The following EPS15 variants were observed in gnomAD, a reference collection of about 807,000 sequenced individuals.
EPS15 encodes epidermal growth factor receptor pathway substrate 15, also known as epidermal growth factor receptor substrate 15.
A neutral mutation model predicts 113.8 loss-of-function variants in EPS15; 72 were observed. The observed-to-expected ratio is 0.63, with a 90% CI of 0.52 to 0.77. The LOEUF is 0.77. Ranked by LOEUF, EPS15 falls within the 30% of genes least tolerant of loss-of-function variation. EPS15 has a pLI of 0.00. For synonymous variants in EPS15, 344 were observed against 363.4 expected, an observed-to-expected ratio of 0.95 and a Z score of 0.61; for missense variants, 1,048 against 1,045.8, an observed-to-expected ratio of 1.00 and a Z score of -0.03.
intron 13 of EPS15, among the ~76,000 whole-genome samples, chr1:51,420,246 T>C (rs1036048150): frequency 1.3e-5 from 2 of 152,094 alleles, no homozygotes; most frequent in African/African-American, 4.8e-5. Context: ...CTTCTATAAT[T>C]ATAAGACACC....
chr1:51,399,042 C>G lies in EPS15; in HGVS notation c.2042G>C (p.Ser681Thr). The part of the protein sequence containing the change: ...TDPFSAANNS[S>T]ITSVETLKHN... Reference sequence around the variant, plus strand: ...AATTCTCCCACTTACCGATGTAATACTGCTATTGTTGGCTGCACTGAAAGG... The same window carrying G: ...AATTCTCCCACTTACCGATGTAATAGTGCTATTGTTGGCTGCACTGAAAGG... The change falls in exon 20 of 25, where the codon AGT (serine) becomes ACT (threonine). Residue 681 changes from serine to threonine, a missense_variant. Physicochemically the swap from Ser to Thr is moderately conservative, Grantham distance 58. Transcript: ENST00000371733. 6.2e-7 allele frequency: 1 copy of G among 1,613,186 alleles called. No homozygotes were observed. The highest frequency in any genetic ancestry group is 8.5e-7 in the Non-Finnish European group (1 of 1,179,588).
At chr1:51,502,825 T>G (rs1644436364) in intron 1 of EPS15, among the ~76,000 whole-genome samples, 1 of 151,902 alleles carries the variant, frequency 6.6e-6, no homozygotes, top group East Asian at 1.9e-4. Flanking sequence ...GCCAACATGG[T>G]GAAACCGCAT....
At chr1:51,516,426 G>A (rs1644717580) in intron 1 of EPS15, among the ~76,000 whole-genome samples, 1 of 152,112 alleles carries the variant, frequency 6.6e-6, no homozygotes, top group Non-Finnish European at 1.5e-5. Context: ...TAAGAAAACT[G>A]AGGCCTGGAT....
intron 20 of EPS15, chr1:51,397,140 GAA>G (rs1648031921): frequency 6.6e-6 from 1 of 152,316 alleles, no homozygotes; most frequent in African/African-American, 2.4e-5. Flanking sequence ...TTGGCCTCCT[GAA>G]GTGCTGGAAT....
Position 51,444,920 on chromosome 1 carries a change from A to ATCAT in EPS15, c.919_922dup (p.Ile308AsnfsTer27). ...TAAACTGGCCCTGTCTGATGGTGGAATCATTTCAGGAGTAAGAACGTGAGG... is the reference window on the plus strand; with the variant it reads ...TAAACTGGCCCTGTCTGATGGTGGAATCATTCATTTCAGGAGTAAGAACGTGAGG... On this transcript the variant is annotated frameshift_variant, in exon 11 of 25. Coordinates refer to ENST00000371733, the MANE Select transcript of EPS15 (RefSeq NM_001981.3). LOFTEE classifies it high-confidence loss of function. The ATCAT allele has an allele frequency of 6.2e-7, 1 of 1,613,934 alleles. No individual in the cohort carries two copies. The highest frequency in any genetic ancestry group is 8.5e-7 in the Non-Finnish European group (1 of 1,179,890).
chr1:51,439,521 G>C (rs1338039035), intron 12 of EPS15, among the ~76,000 whole-genome samples: 1 of 152,008 alleles, frequency 6.6e-6, no homozygotes, highest in Non-Finnish European at 1.5e-5. Context: ...TAGATACAGT[G>C]CCCTGTAGAC....
chr1:51,479,922 A>C (rs1436773448), intron 2 of EPS15, among the ~76,000 whole-genome samples: 1 of 152,248 alleles, frequency 6.6e-6, no homozygotes, highest in African/African-American at 2.4e-5. Context: ...TAGGAACCTT[A>C]GCAAATCTGG....
chr1:51,487,858 A>G (rs1013044175), intron 1 of EPS15, among the ~76,000 whole-genome samples: 3 of 152,198 alleles, frequency 2.0e-5, no homozygotes, highest in Non-Finnish European at 1.5e-5. Flanking sequence ...TCATCAAGCA[A>G]GATGATCAAA....
At chr1:51,392,182 C>T (rs1412807287) in intron 21 of EPS15, among the ~76,000 whole-genome samples, 1 of 152,218 alleles carries the variant, frequency 6.6e-6, no homozygotes, top group Non-Finnish European at 1.5e-5. Flanking sequence ...CCAGAGACCT[C>T]ATTTGAATTG....
At chr1:51,486,712 CTT>C (rs1644130460) in intron 1 of EPS15, among the ~76,000 whole-genome samples, 2 of 151,768 alleles carry the variant, frequency 1.3e-5, no homozygotes, top group African/African-American at 2.4e-5. Context: ...GAGTTTTGCT[CTT>C]GTTACCCAGG....
Position 51,361,174 on chromosome 1 carries a change from A to C in EPS15, c.2541T>G (p.Ser847Arg). 6.2e-7 allele frequency: 1 copy of C among 1,613,056 alleles called. No individual in the cohort carries two copies. The highest frequency in any genetic ancestry group is 8.5e-7 in the Non-Finnish European group (1 of 1,179,044). ...EADPSNFANF[S>R]AYPSEEDMIE... ...ACAGCTCATTCACAGTACTTACAGC[A>C]CTGAAGTTGGCAAAATTGCTTGGAT... The change falls in exon 24 of 25, where the codon AGT (serine) becomes AGG (arginine). Residue 847 changes from serine to arginine, a missense_variant. Coordinates refer to ENST00000371733, the MANE Select transcript of EPS15 (RefSeq NM_001981.3).
chr1:51,489,318 T>C (rs903437338), intron 1 of EPS15, among the ~76,000 whole-genome samples: 3 of 149,882 alleles, frequency 2.0e-5, no homozygotes, highest in Non-Finnish European at 4.4e-5. Context: ...TATGTATGTA[T>C]GTATGTATTT....
intron 2 of EPS15, among the ~76,000 whole-genome samples, chr1:51,478,282 C>CT (rs1468885614): frequency 6.6e-5 from 10 of 151,404 alleles, no homozygotes; most frequent in African/African-American, 1.5e-4. Flanking sequence ...GCAACCCCTG[C>CT]TTTTTTTTTG....
chr1:51,508,236 A>AAGAAG (rs1644537949), intron 1 of EPS15, among the ~76,000 whole-genome samples: 5 of 92,586 alleles, frequency 5.4e-5, no homozygotes, highest in Non-Finnish European at 1.2e-4. Context: ...AAGAAAAGAA[A>AAGAAG]AGAAAGAGAG....
chr1:51,365,137 G>A (rs1646480069), intron 22 of EPS15, among the ~76,000 whole-genome samples: 1 of 152,168 alleles, frequency 6.6e-6, no homozygotes, highest in African/African-American at 2.4e-5. Flanking sequence ...TGGCTGGAAT[G>A]ATAAATCTTA....
chr1:51,518,203 T>C (rs1369182598), intron 1 of EPS15: 1 of 152,346 alleles, frequency 6.6e-6, no homozygotes, highest in East Asian at 1.9e-4. Flanking sequence ...CATGTTTACA[T>C]TGTAATTGGC....
At chr1:51,505,973 G>T (rs1277728725) in intron 1 of EPS15, among the ~76,000 whole-genome samples, 1 of 151,976 alleles carries the variant, frequency 6.6e-6, no homozygotes. Flanking sequence ...TACAACCTCT[G>T]CCTCCTAGGT....
intron 16 of EPS15, among the ~76,000 whole-genome samples, chr1:51,405,066 T>C (rs753863400): frequency 2.6e-5 from 4 of 152,214 alleles, no homozygotes; most frequent in Non-Finnish European, 5.9e-5. Flanking sequence ...CACTTCTCAC[T>C]TGTCTAAACT....
At chr1:51,435,127 C>T (rs1333207235) in intron 12 of EPS15, among the ~76,000 whole-genome samples, 1 of 151,954 alleles carries the variant, frequency 6.6e-6, no homozygotes, top group Non-Finnish European at 1.5e-5. Flanking sequence ...AGCCCACTAA[C>T]CTTAATGTTC....
Sources: gnomAD v4.1 joint callset for allele counts (sites outside exome capture counted in the v4.1 genomes callset) on GRCh38, gnomAD v4.1.1 for gene constraint, MANE v1.5 for transcripts, NCBI Gene and HGNC (gene_info 2026-07-23, HGNC 2026-07-21) for gene names.